The following PHF14 variants were observed in gnomAD, a reference collection of about 807,000 sequenced individuals.
PHF14 encodes the protein PHD finger protein 14.
In PHF14, 55 loss-of-function variants were observed where a neutral mutation model predicts 117.9. That is an observed-to-expected ratio of 0.47 (90% confidence interval 0.38 to 0.58). The LOEUF is 0.58. Among genes scored for constraint, PHF14 ranks in the 20% least tolerant of loss-of-function variants. The pLI is 0.00. For missense variants in PHF14, 978 were observed against 1,122.2 expected (o/e 0.87, Z 1.84); for synonymous variants, 409 against 368.6 (o/e 1.11, Z -1.26).
At chr7:11,121,128 C>A (rs1787741755) in intron 17 of PHF14, among the ~76,000 whole-genome samples, 2 of 152,136 alleles carry the variant, frequency 1.3e-5, no homozygotes, top group South Asian at 4.1e-4. Context: ...GTTTCATCAT[C>A]CCTAAAGAAT....
intron 7 of PHF14, among the ~76,000 whole-genome samples, chr7:11,030,763 A>C (rs563660278): frequency 6.6e-6 from 1 of 152,220 alleles, no homozygotes; most frequent in African/African-American, 2.4e-5. Context: ...ATAAAATGCA[A>C]CTTTTCTCCC....
chr7:11,126,604 C>T (rs1248833851), intron 17 of PHF14, among the ~76,000 whole-genome samples: 1 of 151,754 alleles, frequency 6.6e-6, no homozygotes, highest in African/African-American at 2.4e-5. Flanking sequence ...TTCCTGTCTA[C>T]TCCTTCCTTT....
At chr7:11,156,668 G>A (rs1351649597) in intron 17 of PHF14, among the ~76,000 whole-genome samples, 2 of 152,064 alleles carry the variant, frequency 1.3e-5, no homozygotes, top group Admixed American at 6.6e-5. Context: ...AGTGGCAGGC[G>A]CCTGTAATCC....
intron 17 of PHF14, among the ~76,000 whole-genome samples, chr7:11,143,422 A>AT (rs1179407013): frequency 2.0e-5 from 3 of 151,850 alleles, no homozygotes; most frequent in Admixed American, 6.6e-5. Context: ...TGCCCAGCCA[A>AT]TTTTTTTTAT....
intron 17 of PHF14, among the ~76,000 whole-genome samples, chr7:11,158,016 C>T (rs966800625): frequency 2.0e-5 from 3 of 152,094 alleles, no homozygotes; most frequent in Non-Finnish European, 2.9e-5. Flanking sequence ...CTGATATACC[C>T]TTTACCCAGC....
chr7:11,074,233 CAG>C (rs1408088648), intron 16 of PHF14, among the ~76,000 whole-genome samples: 2 of 148,058 alleles, frequency 1.4e-5, no homozygotes, highest in Admixed American at 6.8e-5. Flanking sequence ...TTTTTTGAGA[CAG>C]AGTCTTGCTC....
rs1172074131 is a variant in PHF14 at position 11,074,409 on chromosome 7, G to T, written c.2654+12324G>T. Among the ~76,000 whole-genome samples the T allele has an allele frequency of 2.0e-5, 3 of 151,650 alleles. No individual in the cohort carries two copies. In the East Asian group the frequency reaches 5.8e-4, roughly 30 times the overall value. On this transcript the variant is annotated intron_variant, in intron 16 of 17. Transcript: ENST00000634607. Reference sequence around the variant, plus strand: ...GTATTTTTAGTAGAGGCAGGGTTTCGCCGTGTTAGCCAGGATGGTCTCGAT... The same window carrying T: ...GTATTTTTAGTAGAGGCAGGGTTTCTCCGTGTTAGCCAGGATGGTCTCGAT...
chr7:11,094,423 A>G (rs73277668), intron 16 of PHF14, among the ~76,000 whole-genome samples: 1 of 152,088 alleles, frequency 6.6e-6, no homozygotes, highest in Non-Finnish European at 1.5e-5. Context: ...TCTTGCAGCT[A>G]TAGTCACATC....
chr7:11,015,707 C>T (rs1783510558), intron 5 of PHF14, among the ~76,000 whole-genome samples: 1 of 151,924 alleles, frequency 6.6e-6, no homozygotes, highest in African/African-American at 2.4e-5. Flanking sequence ...AATAAGTGGT[C>T]AGTAAATGTC....
chr7:11,086,121 C>T (rs536371737), intron 16 of PHF14, among the ~76,000 whole-genome samples: 54 of 152,226 alleles, frequency 3.5e-4, no homozygotes, highest in South Asian at 1.0e-3. Context: ...TCTCCTGGAC[C>T]GTTGCAATAA....
intron 17 of PHF14, among the ~76,000 whole-genome samples, chr7:11,150,482 G>A (rs757270020): frequency 2.0e-5 from 3 of 152,026 alleles, no homozygotes; most frequent in African/African-American, 7.2e-5. Context: ...AAGAATTCAC[G>A]ACATAACTAC....
intron 16 of PHF14, among the ~76,000 whole-genome samples, chr7:11,095,572 C>G (rs577014379): frequency 6.6e-4 from 100 of 152,188 alleles, no homozygotes; most frequent in Middle Eastern, 3.4e-3. Flanking sequence ...TTTTCTCAAC[C>G]TGGGTTTCCT....
chr7:11,109,254 C>T (rs972131551), intron 16 of PHF14: 1 of 151,650 alleles, frequency 6.6e-6, no homozygotes, highest in African/African-American at 2.4e-5. Context: ...AGTTTTCAGG[C>T]AAGTGAGGAC....
At chr7:11,017,399 A>G (rs570536793) in intron 5 of PHF14, among the ~76,000 whole-genome samples, 1 of 152,188 alleles carries the variant, frequency 6.6e-6, no homozygotes, top group African/African-American at 2.4e-5. Context: ...TCTTGCCAAC[A>G]TTTGTTATTG....
At chr7:11,099,499 C>T (rs1787006587) in intron 16 of PHF14, among the ~76,000 whole-genome samples, 1 of 152,064 alleles carries the variant, frequency 6.6e-6, no homozygotes, top group African/African-American at 2.4e-5. Flanking sequence ...ATTTCAAGCA[C>T]CTACAGCAGT....
At chr7:11,151,965 A>G (rs1788714409) in intron 17 of PHF14, among the ~76,000 whole-genome samples, 1 of 152,178 alleles carries the variant, frequency 6.6e-6, no homozygotes, top group Non-Finnish European at 1.5e-5. Context: ...CATAAGATTT[A>G]AGAAGTATAC....
intron 13 of PHF14, among the ~76,000 whole-genome samples, chr7:11,043,083 G>A (rs1166476700): frequency 6.6e-6 from 1 of 151,752 alleles, no homozygotes; most frequent in Non-Finnish European, 1.5e-5. Flanking sequence ...TTGTTTTATT[G>A]TTCAGAATTT....
chr7:11,120,701 A>G (rs890890779), intron 17 of PHF14, among the ~76,000 whole-genome samples: 10 of 152,182 alleles, frequency 6.6e-5, no homozygotes, highest in Non-Finnish European at 1.3e-4. Context: ...ATTGATGGTA[A>G]TTCATATTTC....
intron 7 of PHF14, among the ~76,000 whole-genome samples, chr7:11,034,298 G>A (rs561993031): frequency 6.6e-6 from 1 of 152,142 alleles, no homozygotes; most frequent in South Asian, 2.1e-4. Context: ...TTTTGGGACA[G>A]ACATAAAGAA....
Sources: gnomAD v4.1 joint callset for allele counts (sites outside exome capture counted in the v4.1 genomes callset) on GRCh38, gnomAD v4.1.1 for gene constraint, MANE v1.5 for transcripts, NCBI Gene and HGNC (gene_info 2026-07-23, HGNC 2026-07-21) for gene names.